Variants in DLG3 observed in about 807,000 individuals in gnomAD.
DLG3 encodes disks large homolog 3.
In DLG3, 1 loss-of-function variant was observed where a neutral mutation model predicts 64.1. The observed-to-expected ratio is 0.02, with a 90% confidence interval of 0.01 to 0.07. The LOEUF (loss-of-function observed/expected upper bound fraction) is 0.07. Ranked by LOEUF, DLG3 falls within the 10% of genes least tolerant of loss-of-function variation. DLG3 has a pLI of 1.00. For missense variants in DLG3, 429 were observed against 669.5 expected (o/e 0.64, Z 3.96); for synonymous variants, 245 against 259.8 (o/e 0.94, Z 0.55).
chrX:70,467,947 G>T (rs1213637766), intron 9 of DLG3, among the ~76,000 whole-genome samples: 2 of 112,114 alleles, frequency 1.8e-5, no homozygotes, highest in Non-Finnish European at 3.8e-5. Context: ...ACCCTGAGCT[G>T]CTGGGTGATC....
intron 15 of DLG3, 74 bp downstream of exon 15, chrX:70,499,351 A>T (rs2087513904): frequency 3.7e-6 from 3 of 804,207 alleles, no homozygotes; most frequent in Non-Finnish European, 3.7e-6. Context: ...TTTATGGAAA[A>T]GGTCTGGGAT....
At chrX:70,476,368 C>T (rs2087054815) in intron 9 of DLG3, among the ~76,000 whole-genome samples, 1 of 111,053 alleles carries the variant, frequency 9.0e-6, no homozygotes. Context: ...GAGATGTCCT[C>T]CAGCATTGGC....
intron 9 of DLG3, among the ~76,000 whole-genome samples, chrX:70,461,021 G>A (rs140607327): frequency 9.4e-4 from 105 of 112,154 alleles, no homozygotes; most frequent in African/African-American, 3.3e-3. Context: ...ATAATGCTCT[G>A]TGAACATCTG....
intron 10 of DLG3, among the ~76,000 whole-genome samples, chrX:70,483,401 G>A (rs2087200382): frequency 5.3e-5 from 6 of 113,215 alleles, no homozygotes; most frequent in Admixed American, 3.7e-4. Flanking sequence ...AGGAAGCAGC[G>A]GGTATGGTCC....
intron 17 of DLG3, 78 bp downstream of exon 17, chrX:70,500,658 C>A: frequency 2.2e-6 from 2 of 889,770 alleles, no homozygotes; most frequent in Non-Finnish European, 3.3e-6. Context: ...AAGTGATTTG[C>A]TGGGCAGAAA....
At chrX:70,479,329 C>T (rs2087113477) in intron 10 of DLG3, 65 bp downstream of exon 10, 4 of 856,703 alleles carry the variant, frequency 4.7e-6, no homozygotes, top group Non-Finnish European at 5.2e-6. Flanking sequence ...CAACCCAGCC[C>T]TTCTTATTTA....
chrX:70,452,353 C>G, intron 7 of DLG3: 2 of 994,339 alleles, frequency 2.0e-6, no homozygotes, highest in Non-Finnish European at 2.5e-6. Context: ...GAGATAGTTG[C>G]AGCCCGCTCT....
chrX:70,480,051 C>T (rs1157709603), intron 10 of DLG3, among the ~76,000 whole-genome samples: 2 of 111,885 alleles, frequency 1.8e-5, no homozygotes, highest in South Asian at 7.5e-4. Context: ...GGCTTCTTGG[C>T]AAAACTCCAA....
chrX:70,450,405 T>C, intron 5 of DLG3, 100 bp downstream of exon 5: 1 of 1,041,187 alleles, frequency 9.6e-7, no homozygotes, highest in Non-Finnish European at 1.3e-6. Flanking sequence ...TGAGGCATCA[T>C]GGGGGAATTT....
In DLG3 at chrX:70,503,699, C is replaced by G. The variant is rs1441663806; in HGVS notation, c.*1430C>G. 9.0e-6 allele frequency: 1 copy of G among 111,423 alleles called. No individual in the cohort carries two copies. The highest frequency in any genetic ancestry group is 1.9e-5 in the Non-Finnish European group (1 of 52,993). 9.2% of individuals were successfully genotyped at this position (111,423 alleles called of 1,213,427 possible). ...AGAGGAAAGTAGACTTTATGCTGTA[C>G]ATTTGAGCTGTAGAGCTAAGATTCG... On this transcript the variant is annotated 3_prime_UTR_variant, in exon 19 of 19. Transcript: ENST00000374360.
At chrX:70,482,253 T>C (rs2087167461) in intron 10 of DLG3, among the ~76,000 whole-genome samples, 1 of 112,424 alleles carries the variant, frequency 8.9e-6, no homozygotes. Context: ...GCCTGGGTAT[T>C]GCAGAGGGGG....
At chrX:70,449,034 A>T in intron 2 of DLG3, 71 bp downstream of exon 2, 1 of 1,131,664 alleles carries the variant, frequency 8.8e-7, no homozygotes, top group Non-Finnish European at 1.2e-6. Flanking sequence ...AGACCCCTGA[A>T]TCATGGTTTC....
intron 9 of DLG3, among the ~76,000 whole-genome samples, chrX:70,461,092 A>G (rs1215507654): frequency 8.9e-6 from 1 of 111,986 alleles, no homozygotes. Context: ...CTGTGAGTGG[A>G]ACTGCTGGAT....
At chrX:70,491,182 G>A (rs1236182524) in intron 10 of DLG3, among the ~76,000 whole-genome samples, 1 of 111,940 alleles carries the variant, frequency 8.9e-6, no homozygotes, top group East Asian at 2.8e-4. Context: ...CAAAGTGCTG[G>A]GATTACAGGC....
At chrX:70,452,288 T>C in intron 7 of DLG3, 1 of 1,054,127 alleles carries the variant, frequency 9.5e-7, no homozygotes, top group Non-Finnish European at 1.2e-6. Context: ...AAAGAAAGGA[T>C]GGGGTGGAGC....
chrX:70,464,159 T>G (rs955314101), intron 9 of DLG3, among the ~76,000 whole-genome samples: 3 of 110,056 alleles, frequency 2.7e-5, no homozygotes, highest in Admixed American at 9.7e-5. Flanking sequence ...GCACCCAGCA[T>G]AGACTTTTAT....
intron 9 of DLG3, among the ~76,000 whole-genome samples, chrX:70,462,352 C>T (rs1376446003): frequency 9.9e-6 from 1 of 101,204 alleles, no homozygotes; most frequent in Non-Finnish European, 2.0e-5. Context: ...CAGGTTCAAG[C>T]GATTCTCCTG....
chrX:70,503,370 C>T lies in DLG3; in HGVS notation c.*1101C>T, dbSNP rs1008530281. ...CCAAGGTTCTAAAGGCTTATGAGGT[C>T]CTGAAGGAGCCAGGCCTTGTGATGG... On this transcript the variant is annotated 3_prime_UTR_variant, in exon 19 of 19. Transcript: ENST00000374360. 3 of 112,260 alleles carry T rather than the reference C, an allele frequency of 2.7e-5. No homozygotes were observed. Among genetic ancestry groups the T allele is most frequent in the African/African-American group, 9.7e-5 (3 of 30,776 alleles). 9.3% of individuals were successfully genotyped at this position (112,260 alleles called of 1,213,427 possible). A position where few individuals can be genotyped will look rare whatever the true frequency, so the allele number is the denominator to read the frequency against.
At chrX:70,474,673 G>A (rs1368472662) in intron 9 of DLG3, among the ~76,000 whole-genome samples, 1 of 111,506 alleles carries the variant, frequency 9.0e-6, no homozygotes, top group East Asian at 2.8e-4. Context: ...TGTGGACTAA[G>A]GCCTAACCTG....
Sources: gnomAD v4.1 joint callset for allele counts (sites outside exome capture counted in the v4.1 genomes callset) on GRCh38, gnomAD v4.1.1 for gene constraint, MANE v1.5 for transcripts, NCBI Gene and HGNC (gene_info 2026-07-23, HGNC 2026-07-21) for gene names.